The following MAPK10 variants were observed in gnomAD, a reference collection of about 807,000 sequenced individuals.
MAPK10 encodes mitogen-activated protein kinase 10, also known as JNK3 alpha protein kinase.
In MAPK10, 25 loss-of-function variants were observed where a neutral mutation model predicts 59.3. The ratio of observed to expected loss-of-function variants is 0.42; its 90% CI spans 0.31 to 0.59. The LOEUF is 0.59. Ranked by LOEUF, MAPK10 falls within the 20% of genes least tolerant of loss-of-function variation. The pLI is 0.15. For synonymous variants in MAPK10, 190 were observed against 200.5 expected (o/e 0.95, Z 0.44); for missense variants, 351 against 568.9 (o/e 0.62, Z 3.90).
intron 1 of MAPK10, among the ~76,000 whole-genome samples, chr4:86,382,683 G>A (rs537369398): frequency 6.6e-6 from 1 of 152,242 alleles, no homozygotes; most frequent in South Asian, 2.1e-4. Context: ...AACCAAAGAT[G>A]GCCATACATT....
At chr4:86,330,865 T>A (rs2096136347) in intron 2 of MAPK10, among the ~76,000 whole-genome samples, 1 of 152,246 alleles carries the variant, frequency 6.6e-6, no homozygotes, top group Non-Finnish European at 1.5e-5. Context: ...TATTTTTAAA[T>A]TCTTAAGTTA....
At chr4:86,248,471 C>T (rs1336500883) in intron 2 of MAPK10, among the ~76,000 whole-genome samples, 1 of 152,082 alleles carries the variant, frequency 6.6e-6, no homozygotes, top group African/African-American at 2.4e-5. Context: ...AGGCACCTAC[C>T]ATATGCATAT....
In MAPK10 at chr4:86,366,947, T is replaced by C. The variant is rs574530299; in HGVS notation, c.-121-12303A>G. On this transcript the variant is annotated intron_variant, in intron 1 of 13. Coordinates refer to the MAPK10 transcript ENST00000361569. Reference sequence around the variant, plus strand: ...TTCTAACACTTAAAGTCCTACATCATAGGAAATCTCTCAATCCCAGGCAAA... The same window carrying C: ...TTCTAACACTTAAAGTCCTACATCACAGGAAATCTCTCAATCCCAGGCAAA... 1.5e-4 allele frequency among the ~76,000 whole-genome samples: 23 copies of C among 152,206 alleles called. No homozygotes were observed. In the East Asian group the frequency reaches 1.5e-3, roughly 10 times the overall value.
intron 7 of MAPK10, chr4:86,101,489 T>G: frequency 2.4e-6 from 1 of 416,934 alleles, no homozygotes. Context: ...TATTGTCTTC[T>G]GTTAGGTTTC....
intron 2 of MAPK10, among the ~76,000 whole-genome samples, chr4:86,305,203 T>C (rs2095545380): frequency 6.6e-6 from 1 of 152,222 alleles, no homozygotes; most frequent in African/African-American, 2.4e-5. Context: ...ACACATTTTA[T>C]TTATAATAAT....
intron 9 of MAPK10, chr4:86,095,227 A>G (rs1370457517): frequency 6.6e-6 from 1 of 151,686 alleles, no homozygotes; most frequent in African/African-American, 2.4e-5. Flanking sequence ...ATCAACCACC[A>G]AGAAACCCCC....
At position 86,220,909 on chromosome 4, in the gene MAPK10, T is replaced by A. The variant is rs144244150; in HGVS notation, c.-6-26502A>T. On this transcript the variant is annotated intron_variant, in intron 2 of 13. Coordinates refer to ENST00000641462, the MANE Select transcript of MAPK10 (RefSeq NM_138982.4). ...GTTATGTCTCAATTGTCGAACAACA[T>A]AAGGGGCTTTTGAAAGAATGTTTTG... Among the ~76,000 whole-genome samples, 1,246 of 152,304 alleles carry A rather than the reference T, an allele frequency of 8.2e-3. 7 individuals carry two copies. The highest frequency in any genetic ancestry group is 0.013 in the Non-Finnish European group (869 of 68,014).
chr4:86,557,314 TG>T (rs1187013074), intron 1 of MAPK10, among the ~76,000 whole-genome samples: 1 of 152,042 alleles, frequency 6.6e-6, no homozygotes, highest in Admixed American at 6.5e-5. Context: ...TCCCAAGTTA[TG>T]TTATTATAGA....
At chr4:86,147,217 G>T (rs531536736) in intron 4 of MAPK10, among the ~76,000 whole-genome samples, 3 of 151,922 alleles carry the variant, frequency 2.0e-5, no homozygotes, top group South Asian at 4.1e-4. Flanking sequence ...CGCAGGAGTC[G>T]CTGACACCAC....
intron 1 of MAPK10, among the ~76,000 whole-genome samples, chr4:86,472,135 G>T (rs1265634163): frequency 6.6e-6 from 1 of 152,096 alleles, no homozygotes; most frequent in African/African-American, 2.4e-5. Context: ...TCAAGTTAAA[G>T]AGTTTTCTGT....
rs796906454 is a variant in MAPK10, at chr4:86,046,026, A to G, written c.1111-14595T>C. 4.0e-5 allele frequency among the ~76,000 whole-genome samples: 6 copies of G among 150,764 alleles called. No individual in the cohort carries two copies. In the East Asian group the frequency reaches 1.2e-3, roughly 30 times the overall value. Reference sequence around the variant, plus strand: ...CTAGACCATGGGACAAAGAATTGAGAATAAAAGACCTAGGAATCCAACTTA... The same window carrying G: ...CTAGACCATGGGACAAAGAATTGAGGATAAAAGACCTAGGAATCCAACTTA... On this transcript the variant is annotated intron_variant, in intron 11 of 13. Transcript: ENST00000641462.
At chr4:86,487,730 C>CAAAAAAAAA (rs556680512) in intron 1 of MAPK10, among the ~76,000 whole-genome samples, 1 of 95,700 alleles carries the variant, frequency 1.0e-5, no homozygotes. Context: ...GACTCTGTCT[C>CAAAAAAAAA]AAAAAAAAAA....
At chr4:86,593,479 GA>G (rs1763252815) in intron 1 of MAPK10, among the ~76,000 whole-genome samples, 1 of 152,204 alleles carries the variant, frequency 6.6e-6, no homozygotes, top group Non-Finnish European at 1.5e-5. Context: ...TTGCAGCAAG[GA>G]GGGGTACAGC....
intron 1 of MAPK10, among the ~76,000 whole-genome samples, chr4:86,553,638 C>T (rs1410592863): frequency 6.6e-6 from 1 of 152,040 alleles, no homozygotes; most frequent in Admixed American, 6.5e-5. Flanking sequence ...GCTGGGGGAA[C>T]TTAAGGGAGG....
intron 13 of MAPK10, chr4:86,025,281 T>G (rs1749615890): frequency 2.6e-6 from 1 of 380,252 alleles, no homozygotes; most frequent in South Asian, 1.5e-4. Context: ...CACTATTAGA[T>G]GAAAACTATT....
At chr4:86,277,205 C>G (rs556102059) in intron 2 of MAPK10, 19 of 151,746 alleles carry the variant, frequency 1.3e-4, no homozygotes, top group Admixed American at 5.3e-4. Flanking sequence ...AATCTTGGCT[C>G]ACAGCAACCT....
chr4:86,141,845 G>T (rs1036412856), intron 4 of MAPK10, among the ~76,000 whole-genome samples: 2 of 152,190 alleles, frequency 1.3e-5, no homozygotes, highest in South Asian at 2.1e-4. Flanking sequence ...TTGAAAAGAA[G>T]TTTATTTAGC....
intron 1 of MAPK10, among the ~76,000 whole-genome samples, chr4:86,587,670 G>A (rs1204287143): frequency 6.6e-6 from 1 of 152,236 alleles, no homozygotes; most frequent in East Asian, 1.9e-4. Flanking sequence ...AAGCCAGAAT[G>A]CAAATATTTC....
chr4:86,437,494 T>G (rs1279109935), intron 1 of MAPK10, among the ~76,000 whole-genome samples: 1 of 152,204 alleles, frequency 6.6e-6, no homozygotes, highest in East Asian at 1.9e-4. Context: ...TACTATCTTT[T>G]ATAGGCTGCT....
Sources: gnomAD v4.1 joint callset for allele counts (sites outside exome capture counted in the v4.1 genomes callset) on GRCh38, gnomAD v4.1.1 for gene constraint, MANE v1.5 for transcripts, NCBI Gene and HGNC (gene_info 2026-07-23, HGNC 2026-07-21) for gene names.